The following ERO1B variants were observed in gnomAD, a reference collection of about 807,000 sequenced individuals.
ERO1B encodes the protein endoplasmic reticulum oxidoreductase 1 beta.
In ERO1B, 49 loss-of-function variants were observed where a neutral mutation model predicts 75.3. The ratio of observed to expected loss-of-function variants is 0.65; its 90% confidence interval spans 0.52 to 0.83. The LOEUF (loss-of-function observed/expected upper bound fraction) is 0.83, where lower values mean the gene tolerates loss of function less well. Among genes scored for constraint, ERO1B ranks in the 40% least tolerant of loss-of-function variants. The pLI is 0.00. For synonymous variants in ERO1B, 191 were observed against 192.9 expected (o/e 0.99, Z 0.08); for missense variants, 512 against 560.1 (o/e 0.91, Z 0.87).
intron 5 of ERO1B, among the ~76,000 whole-genome samples, chr1:236,244,786 T>C (rs1190215669): frequency 6.6e-6 from 1 of 152,150 alleles, no homozygotes; most frequent in African/African-American, 2.4e-5. Flanking sequence ...ATAAATGAGT[T>C]AGAAGGGACC....
At chr1:236,221,741 C>A (rs1664148161) in intron 14 of ERO1B, 183 bp downstream of exon 14, 2 of 532,126 alleles carry the variant, frequency 3.8e-6, no homozygotes, top group African/African-American at 2.0e-5. Flanking sequence ...ATATGAGAAA[C>A]ATCCTTTCAC....
At chr1:236,249,685 A>G (rs1280966846) in intron 5 of ERO1B, among the ~76,000 whole-genome samples, 200 bp downstream of exon 5, 1 of 152,226 alleles carries the variant, frequency 6.6e-6, no homozygotes, top group Non-Finnish European at 1.5e-5. Flanking sequence ...TGGATGATAC[A>G]TTCTAGAAAT....
intron 13 of ERO1B, among the ~76,000 whole-genome samples, chr1:236,224,779 G>A (rs1159565019): frequency 2.0e-5 from 3 of 152,090 alleles, no homozygotes; most frequent in Non-Finnish European, 2.9e-5. Context: ...GCATCAAAAC[G>A]ACAATATACA....
At chr1:236,219,210 G>A (rs1343498307) in intron 15 of ERO1B, among the ~76,000 whole-genome samples, 1 of 152,148 alleles carries the variant, frequency 6.6e-6, no homozygotes, top group Non-Finnish European at 1.5e-5. Flanking sequence ...TCACTTAGGA[G>A]GACAGGCAAT....
chr1:236,247,590 A>G (rs554535029), intron 5 of ERO1B, among the ~76,000 whole-genome samples: 3 of 152,090 alleles, frequency 2.0e-5, no homozygotes, highest in Non-Finnish European at 4.4e-5. Context: ...CCCTCAACAC[A>G]TGCCCTTAAC....
chr1:236,220,072 ATC>A lies in ERO1B; in HGVS notation c.1343+758_1343+759del, dbSNP rs538382552. 135 of 149,344 alleles carry A rather than the reference ATC, an allele frequency of 9.0e-4. 1 individual carries two copies. The highest frequency in any genetic ancestry group is 3.2e-3 in the African/African-American group (129 of 40,876). The allele number at this position is 149,344 out of a possible 1,614,324, so 9.3% of individuals were successfully genotyped here. ...AAAAAAAGCAGGGGACATATAATAA[ATC>A]TGTTTTTAATTTAACTGCTTCTTTT... On this transcript the variant is annotated intron_variant, in intron 15 of 15. Coordinates refer to ENST00000354619, the MANE Select transcript of ERO1B (RefSeq NM_019891.4).
At chr1:236,227,034 C>T (rs1472991427) in intron 10 of ERO1B, among the ~76,000 whole-genome samples, 1 of 152,144 alleles carries the variant, frequency 6.6e-6, no homozygotes, top group Non-Finnish European at 1.5e-5. Context: ...TGTTAGACAG[C>T]AACAGCACAG....
At position 236,269,925 on chromosome 1, in the gene ERO1B, A is replaced by C. The variant is rs1665555053; in HGVS notation, c.172T>G (p.Phe58Val). 2.5e-6 allele frequency: 4 copies of C among 1,604,558 alleles called. No homozygotes were observed. The highest frequency in any genetic ancestry group is 3.4e-6 in the Non-Finnish European group (4 of 1,171,448). Residue 58 changes from phenylalanine to valine, a missense_variant, in exon 2 of 16, where the codon TTC becomes GTC. Coordinates refer to ENST00000354619, the MANE Select transcript of ERO1B (RefSeq NM_019891.4). ...TCTTGCAATTTTTTTATTTTGGGGAAGATTTTGTAGGTATTGAAGTTATCG... is the reference window on the plus strand; with the variant it reads ...TCTTGCAATTTTTTTATTTTGGGGACGATTTTGTAGGTATTGAAGTTATCG... ...SIDNFNTYKI[F>V]PKIKKLQERD... is the part of the protein sequence containing the mutation.
intron 2 of ERO1B, among the ~76,000 whole-genome samples, chr1:236,258,149 C>CAGAAAAAAAAAAAA (rs71559929): frequency 1.0e-5 from 1 of 96,570 alleles, no homozygotes; most frequent in African/African-American, 4.8e-5. Flanking sequence ...AAAAACAAAG[C>CAGAAAAAAAAAAAA]AAAAAAAAAA....
intron 2 of ERO1B, among the ~76,000 whole-genome samples, chr1:236,255,018 G>A (rs914278333): frequency 1.3e-5 from 2 of 151,846 alleles, no homozygotes; most frequent in Non-Finnish European, 1.5e-5. Context: ...GAACTCCTGG[G>A]CTCAGGTGAT....
chr1:236,229,895 C>T (rs866111961), intron 10 of ERO1B, among the ~76,000 whole-genome samples: 3 of 152,078 alleles, frequency 2.0e-5, no homozygotes, highest in African/African-American at 7.2e-5. Context: ...GGAATGTCTC[C>T]ACTTTTAAAA....
intron 2 of ERO1B, among the ~76,000 whole-genome samples, chr1:236,268,431 C>A (rs1665504148): frequency 6.6e-6 from 1 of 151,460 alleles, no homozygotes; most frequent in South Asian, 2.1e-4. Flanking sequence ...CAGAGCGAGA[C>A]CCTGTCTAAA....
At chr1:236,224,951 A>G in intron 13 of ERO1B, 119 bp downstream of exon 13, 1 of 912,916 alleles carries the variant, frequency 1.1e-6, no homozygotes, top group Non-Finnish European at 1.8e-6. Flanking sequence ...TTAAAATCCA[A>G]TCAGACCAAC....
At chr1:236,277,198 ATT>A (rs1665727452) in intron 1 of ERO1B, among the ~76,000 whole-genome samples, 1 of 152,120 alleles carries the variant, frequency 6.6e-6, no homozygotes, top group Admixed American at 6.5e-5. Context: ...GAGGTCAGGA[ATT>A]TGAGACCAGC....
At chr1:236,227,201 T>A (rs539720972) in intron 10 of ERO1B, among the ~76,000 whole-genome samples, 1 of 152,334 alleles carries the variant, frequency 6.6e-6, no homozygotes, top group East Asian at 1.9e-4. Flanking sequence ...TTTAACCATA[T>A]GTTCTACTTG....
intron 2 of ERO1B, among the ~76,000 whole-genome samples, chr1:236,256,333 T>C (rs916610013): frequency 1.3e-5 from 2 of 152,118 alleles, no homozygotes; most frequent in Non-Finnish European, 2.9e-5. Context: ...ACCAAAAGGT[T>C]ACTCCTGCAA....
intron 15 of ERO1B, chr1:236,220,092 CTTCT>C (rs1664101802): frequency 2.1e-5 from 3 of 144,370 alleles, no homozygotes; most frequent in Admixed American, 6.9e-5. Context: ...AATTTAACTG[CTTCT>C]TTTTAACTTA....
chr1:236,235,862 C>A lies in ERO1B; in HGVS notation c.627-27G>T, dbSNP rs368857340. The A allele has an allele frequency of 5.6e-6, 9 of 1,600,722 alleles. No individual in the cohort carries two copies. The African/African-American group carries it at 1.2e-4, about 22-fold the overall frequency. Reference sequence around the variant, plus strand: ...TGAAAAAGAAAGCATAATACCCAAACATAGAATGTTTTAACTTTTATAGTG... The same window carrying A: ...TGAAAAAGAAAGCATAATACCCAAAAATAGAATGTTTTAACTTTTATAGTG... On this transcript the variant is annotated intron_variant, in intron 7 of 15. Transcript: ENST00000354619.
intron 10 of ERO1B, 110 bp downstream of exon 10, chr1:236,230,114 C>G: frequency 1.3e-6 from 1 of 796,362 alleles, no homozygotes; most frequent in Non-Finnish European, 2.0e-6. Flanking sequence ...TTTTTTCAAA[C>G]TGTCAAAATT....
Sources: allele counts gnomAD v4.1 joint callset (sites outside exome capture counted in the v4.1 genomes callset), GRCh38; gene constraint gnomAD v4.1.1; transcripts MANE v1.5; gene names NCBI Gene and HGNC (gene_info 2026-07-23, HGNC 2026-07-21).